The following PSD2 variants were observed in gnomAD, a reference collection of about 807,000 sequenced individuals.
The protein encoded by PSD2 is pleckstrin and Sec7 domain containing 2.
In PSD2, 38 loss-of-function variants were observed where a neutral mutation model predicts 69.8. The ratio of observed to expected loss-of-function variants is 0.54; its 90% CI spans 0.42 to 0.71. The LOEUF is 0.71. PSD2 is among the 30% of genes least tolerant of loss of function. The pLI, the probability that PSD2 is intolerant of heterozygous loss-of-function variation, is 0.00. For missense variants in PSD2, 943 were observed against 1,014.5 expected, an observed-to-expected ratio of 0.93 and a Z score of 0.96; for synonymous variants, 412 against 423.0, an observed-to-expected ratio of 0.97 and a Z score of 0.32.
chr5:139,754,965 G>GT, the PSD2 span, among the ~76,000 whole-genome samples: 1 of 152,218 alleles, frequency 6.6e-6, no homozygotes, highest in South Asian at 2.1e-4. Context: ...TGTGTGTGCA[G>GT]TGGAGAGGGT....
chr5:139,837,292 C>A lies in PSD2; in HGVS notation c.1665+54C>A. On this transcript the variant is annotated intron_variant, in intron 11 of 14. Coordinates refer to ENST00000274710, the MANE Select transcript of PSD2 (RefSeq NM_032289.4). This position sits in a 1 kb window ranked among gnomAD's most constrained non-coding sequence, Gnocchi z 5.0. ...AGAAAGGGCCAGCTCAGTCCCATCC[C>A]GCCCTGGCCTTGTGGCACCCCGAAG... The A allele has an allele frequency of 5.2e-6, 8 of 1,543,860 alleles. No homozygotes were observed. Among genetic ancestry groups the A allele is most frequent in the South Asian group, 1.1e-5 (1 of 88,602 alleles).
At chr5:139,826,912 C>T (rs1470127519) in intron 7 of PSD2, among the ~76,000 whole-genome samples, 1 of 152,234 alleles carries the variant, frequency 6.6e-6, no homozygotes, top group Non-Finnish European at 1.5e-5. Context: ...GAGCTGGTAC[C>T]CGAAGTGTCT....
At position 139,814,480 on chromosome 5, in the gene PSD2, AGTT is replaced by A; in HGVS notation, c.1016+117_1016+119del. The A allele has an allele frequency of 1.1e-6, 1 of 904,032 alleles. No homozygotes were observed. Among genetic ancestry groups the A allele is most frequent in the Non-Finnish European group, 1.6e-6 (1 of 627,260 alleles). The allele number at this position is 904,032 out of a possible 1,614,324, so 56.0% of individuals were successfully genotyped here. A position where few individuals can be genotyped will look rare whatever the true frequency, so the allele number is the denominator to read the frequency against. ...CAGGTGCTGGGGGGGCACTCCCAAC[AGTT>A]CCCCAAGGACACCTCCTCCCGCCAC... is the stretch of plus-strand genomic sequence containing the variant. On this transcript the variant is annotated intron_variant, in intron 4 of 14. Coordinates refer to ENST00000274710, the MANE Select transcript of PSD2 (RefSeq NM_032289.4). This position sits in a 1 kb window ranked among gnomAD's most constrained non-coding sequence, Gnocchi z 4.4.
chr5:139,767,680 C>T, the PSD2 span, among the ~76,000 whole-genome samples: 3,745 of 152,264 alleles, frequency 0.025, 146 homozygotes, highest in African/African-American at 0.083. Context: ...TACCTACTTC[C>T]CAGGAGAGCT....
At chr5:139,782,578 TG>T in the PSD2 span, among the ~76,000 whole-genome samples, 1 of 147,556 alleles carries the variant, frequency 6.8e-6, no homozygotes, top group Non-Finnish European at 1.5e-5. Context: ...CTGCAACCTC[TG>T]CCTCCCGGGT....
chr5:139,778,609 A>T, the PSD2 span, among the ~76,000 whole-genome samples: 1 of 152,130 alleles, frequency 6.6e-6, no homozygotes, highest in Non-Finnish European at 1.5e-5. Context: ...CTTTGCCCAC[A>T]TCCATCTTTA....
chr5:139,811,695 C>T (rs769277426), intron 2 of PSD2, among the ~76,000 whole-genome samples: 3 of 151,966 alleles, frequency 2.0e-5, no homozygotes, highest in Admixed American at 6.6e-5. Flanking sequence ...CCCGGGTTCA[C>T]GCTATTCTTC....
At chr5:139,820,124 G>A (rs1216013613) in intron 5 of PSD2, among the ~76,000 whole-genome samples, 1 of 152,144 alleles carries the variant, frequency 6.6e-6, no homozygotes, top group Admixed American at 6.5e-5. Context: ...CCAAGATGTG[G>A]GGAGGGTGGA....
the PSD2 span, among the ~76,000 whole-genome samples, chr5:139,754,500 C>G: frequency 1.4e-3 from 213 of 151,542 alleles, 1 homozygote; most frequent in Middle Eastern, 0.01. Context: ...CGAGCTCCAG[C>G]CTGGGCAACA....
rs558974596 is a variant in PSD2, at chr5:139,843,309, C to T, written c.*835C>T. ...GGGAGGCAGTGCTGGCCTCCCTTGC[C>T]CTGTTTTTCCCTCTTCCAGCTGACC... On this transcript the variant is annotated 3_prime_UTR_variant, in exon 15 of 15. Coordinates refer to ENST00000274710, the MANE Select transcript of PSD2 (RefSeq NM_032289.4). The T allele has an allele frequency of 1.3e-5, 2 of 152,326 alleles. No individual in the cohort carries two copies. Among genetic ancestry groups the T allele is most frequent in the East Asian group, 3.9e-4 (2 of 5,182 alleles). 9.4% of individuals were successfully genotyped at this position (152,326 alleles called of 1,614,324 possible). A position where few individuals can be genotyped will look rare whatever the true frequency, so the allele number is the denominator to read the frequency against.
At chr5:139,817,444 C>A in intron 4 of PSD2, 37 bp from the exon 5 acceptor site, 1 of 1,580,418 alleles carries the variant, frequency 6.3e-7, no homozygotes, top group Non-Finnish European at 8.7e-7. Flanking sequence ...TTGGGCTGGA[C>A]CCTGCTTCTA....
chr5:139,810,305 C>T (rs1759926660), intron 2 of PSD2, among the ~76,000 whole-genome samples: 1 of 152,216 alleles, frequency 6.6e-6, no homozygotes, highest in Non-Finnish European at 1.5e-5. Flanking sequence ...ACTGGAGTTA[C>T]AGCCCAATTT....
chr5:139,792,247 G>C (rs996018975), upstream of PSD2, among the ~76,000 whole-genome samples: 1 of 152,126 alleles, frequency 6.6e-6, no homozygotes, highest in Non-Finnish European at 1.5e-5. Flanking sequence ...TTGGCCTGGG[G>C]AATCCCTACC....
chr5:139,766,952 T>TCTTTCTTTCTTTCTTTCTTTCTTTCTTC, the PSD2 span, among the ~76,000 whole-genome samples: 1 of 132,856 alleles, frequency 7.5e-6, no homozygotes, highest in Non-Finnish European at 1.6e-5. Context: ...TTTCTTTCTT[T>TCTTTCTTTCTTTCTTTCTTTCTTTCTTC]CTTTCTTTCT....
chr5:139,795,269 C>G (rs888533125), upstream of PSD2, among the ~76,000 whole-genome samples: 23 of 152,186 alleles, frequency 1.5e-4, no homozygotes, highest in African/African-American at 5.6e-4. The surrounding 1 kb of genome is among the most constrained non-coding windows in gnomAD (Gnocchi z 4.5). Flanking sequence ...CTCAGTCTCC[C>G]TCTCTGAGAT....
intron 1 of PSD2, among the ~76,000 whole-genome samples, chr5:139,803,854 G>A (rs1471766298): frequency 6.6e-6 from 1 of 152,146 alleles, no homozygotes; most frequent in Non-Finnish European, 1.5e-5. Flanking sequence ...TTAGGGAGGG[G>A]GCCTGGAGCT....
At chr5:139,746,658 A>G in the PSD2 span, among the ~76,000 whole-genome samples, 97 of 152,314 alleles carry the variant, frequency 6.4e-4, no homozygotes, top group African/African-American at 2.3e-3. The surrounding 1 kb of genome is among the most constrained non-coding windows in gnomAD (Gnocchi z 4.5). Context: ...GGCGGGATCG[A>G]TATCTGCCCG....
upstream of PSD2, among the ~76,000 whole-genome samples, chr5:139,794,383 C>T (rs1279821991): frequency 6.6e-6 from 1 of 152,188 alleles, no homozygotes; most frequent in Non-Finnish European, 1.5e-5. Flanking sequence ...GAAGTCCCAG[C>T]TCCTGCTGTT....
At chr5:139,773,642 A>G in the PSD2 span, among the ~76,000 whole-genome samples, 3 of 152,120 alleles carry the variant, frequency 2.0e-5, no homozygotes, top group Non-Finnish European at 1.5e-5. Context: ...AGGCTCACTC[A>G]TATTGTCTAT....
Sources: gnomAD v4.1 joint callset for allele counts (sites outside exome capture counted in the v4.1 genomes callset) on GRCh38, gnomAD v4.1.1 for gene constraint, Gnocchi (gnomAD v3.1) non-coding constraint, MANE v1.5 for transcripts, NCBI Gene and HGNC (gene_info 2026-07-23, HGNC 2026-07-21) for gene names.